FOXN4: variants seen among roughly 807,000 people sequenced by gnomAD.
FOXN4 encodes forkhead box N4.
In FOXN4, 12 loss-of-function variants were observed where a neutral mutation model predicts 45.0. That is an observed-to-expected ratio of 0.27 (90% confidence interval 0.17 to 0.43). The LOEUF (loss-of-function observed/expected upper bound fraction) is 0.43. Ranked by LOEUF, FOXN4 falls within the 20% of genes least tolerant of loss-of-function variation. The pLI, the probability that FOXN4 is intolerant of heterozygous loss-of-function variation, is 1.00. For synonymous variants in FOXN4, 297 were observed against 295.0 expected (o/e 1.01, Z -0.07); for missense variants, 560 against 694.9 (o/e 0.81, Z 2.18).
rs947816906 is a variant in FOXN4 at position 109,287,596 on chromosome 12, C to T, written c.469-72G>A. 3 of 1,458,510 alleles carry T rather than the reference C, an allele frequency of 2.1e-6. No individual in the cohort carries two copies. The highest frequency in any genetic ancestry group is 1.4e-5 in the African/African-American group (1 of 70,070). The allele number at this position is 1,458,510 out of a possible 1,614,324, so 90.3% of individuals were successfully genotyped here. A position where few individuals can be genotyped will look rare whatever the true frequency, so the allele number is the denominator to read the frequency against. ...GGTGAGAAATAACATACGTCACTCACAGTAACACTGTCCCCACCCCAGTTT... is the reference window on the plus strand; with the variant it reads ...GGTGAGAAATAACATACGTCACTCATAGTAACACTGTCCCCACCCCAGTTT... On this transcript the variant is annotated intron_variant, in intron 5 of 9. Coordinates refer to ENST00000299162, the MANE Select transcript of FOXN4 (RefSeq NM_213596.3). This position sits in a 1 kb window ranked among gnomAD's most constrained non-coding sequence, Gnocchi z 4.1.
chr12:109,298,090 A>G (rs2047833660), intron 2 of FOXN4, among the ~76,000 whole-genome samples: 1 of 152,184 alleles, frequency 6.6e-6, no homozygotes, highest in Non-Finnish European at 1.5e-5. Context: ...AGATGATTTC[A>G]TGGAATTTTG....
chr12:109,308,510 C>T (rs1358432121), intron 1 of FOXN4, among the ~76,000 whole-genome samples, 186 bp from the exon 2 acceptor site: 2 of 152,082 alleles, frequency 1.3e-5, no homozygotes, highest in Non-Finnish European at 2.9e-5. Flanking sequence ...CAGGGCAATT[C>T]TACAGCGTTT....
At chr12:109,304,796 G>A (rs531348200) in intron 2 of FOXN4, among the ~76,000 whole-genome samples, 3 of 152,194 alleles carry the variant, frequency 2.0e-5, no homozygotes, top group Non-Finnish European at 1.5e-5. Flanking sequence ...CGAATGAGAA[G>A]CCCATAAACT....
At chr12:109,293,599 G>T (rs1189300635) in intron 2 of FOXN4, among the ~76,000 whole-genome samples, 2 of 152,206 alleles carry the variant, frequency 1.3e-5, no homozygotes, top group Non-Finnish European at 2.9e-5. Flanking sequence ...CTGAGTTCAA[G>T]CGATTCTCCT....
In FOXN4 at chr12:109,281,446, C is replaced by G; in HGVS notation, c.1255G>C (p.Asp419His). The G allele has an allele frequency of 6.2e-7, 1 of 1,614,046 alleles. No individual in the cohort carries two copies. Among genetic ancestry groups the G allele is most frequent in the Non-Finnish European group, 8.5e-7 (1 of 1,179,896 alleles). ...NISTDMNTEV[D>H]ALDPSIMDFA... ...TCCATGATGCTCGGGTCGAGGGCAT[C>G]CACCTCAGTGTTCATGTCGGTGCTG... The change falls in exon 9 of 10, where the codon GAT (aspartate) becomes CAT (histidine). Residue 419 changes from aspartate (D) to histidine (H), a missense_variant. Asp to His is a moderately conservative substitution (Grantham distance 81). Around this residue, in one of 5 missense-constraint regions of FOXN4, gnomAD observed 315 missense variants for 350.5 expected, o/e 0.90. Transcript: ENST00000299162.
Position 109,288,834 on chromosome 12 carries a change from C to G in FOXN4, c.233-654G>C, listed in dbSNP as rs956967386. Among the ~76,000 whole-genome samples, 4 of 152,240 alleles carry G rather than the reference C, an allele frequency of 2.6e-5. No individual in the cohort carries two copies. Among genetic ancestry groups the G allele is most frequent in the African/African-American group, 9.6e-5 (4 of 41,464 alleles). ...CAGGATGGTCTTGCCCTAGGGCCAC[C>G]TCTTCCAGGAAGCCCTCTGGGTCCT... On this transcript the variant is annotated intron_variant, in intron 3 of 9. Coordinates refer to ENST00000299162, the MANE Select transcript of FOXN4 (RefSeq NM_213596.3). This position sits in a 1 kb window ranked among gnomAD's most constrained non-coding sequence, Gnocchi z 4.3.
intron 9 of FOXN4, among the ~76,000 whole-genome samples, chr12:109,280,503 G>A (rs546058258): frequency 7.2e-5 from 11 of 152,270 alleles, no homozygotes; most frequent in Middle Eastern, 3.4e-3. Context: ...GCTGTGGCAC[G>A]GGTTAAACAA....
chr12:109,298,870 G>A (rs1408118819), intron 2 of FOXN4, among the ~76,000 whole-genome samples: 1 of 152,170 alleles, frequency 6.6e-6, no homozygotes, highest in Non-Finnish European at 1.5e-5. Flanking sequence ...TGCGTGACCT[G>A]GGGCTGGTGA....
At chr12:109,286,575 C>A in intron 7 of FOXN4, 73 bp downstream of exon 7, 1 of 1,485,540 alleles carries the variant, frequency 6.7e-7, no homozygotes, top group Non-Finnish European at 9.1e-7. Context: ...GGCCCAGGGC[C>A]AGCCCTGGAT....
intron 8 of FOXN4, among the ~76,000 whole-genome samples, chr12:109,283,627 C>G (rs1415994585): frequency 1.3e-5 from 2 of 152,048 alleles, no homozygotes; most frequent in Non-Finnish European, 2.9e-5. Flanking sequence ...AGGCACCTGC[C>G]ACCATGCCTG....
At chr12:109,303,965 C>T (rs1014964411) in intron 2 of FOXN4, among the ~76,000 whole-genome samples, 4 of 151,666 alleles carry the variant, frequency 2.6e-5, no homozygotes, top group South Asian at 2.1e-4. Flanking sequence ...CTGAGGCAGG[C>T]GGATCACTTA....
chr12:109,300,190 G>A (rs1490158031), intron 2 of FOXN4, among the ~76,000 whole-genome samples: 1 of 152,190 alleles, frequency 6.6e-6, no homozygotes, highest in African/African-American at 2.4e-5. Flanking sequence ...GCCAACAGCA[G>A]GGTGTCCGGC....
At chr12:109,280,295 AT>A (rs2047640301) in intron 9 of FOXN4, among the ~76,000 whole-genome samples, 1 of 136,602 alleles carries the variant, frequency 7.3e-6, no homozygotes, top group Non-Finnish European at 1.5e-5. Flanking sequence ...GTGAGCAGAG[AT>A]TGTGCCACTG....
rs1468179800 is a variant in FOXN4, at chr12:109,281,662, G to A, written c.1039C>T (p.Pro347Ser). ...AHGCLAVSQLPPQPLMTLSLQ... is the reference protein window; with the variant it reads ...AHGCLAVSQLSPQPLMTLSLQ... Reference sequence around the variant, plus strand: ...GACAGGGTCATCAGTGGCTGGGGTGGGAGCTGGGAGACAGCCAGGCAGCCA... The same window carrying A: ...GACAGGGTCATCAGTGGCTGGGGTGAGAGCTGGGAGACAGCCAGGCAGCCA... Residue 347 changes from proline (P) to serine (S), a missense_variant, in exon 9 of 10, where the codon CCA becomes TCA. Around this residue, in one of 5 missense-constraint regions of FOXN4, gnomAD observed 315 missense variants for 350.5 expected, o/e 0.90. Transcript: ENST00000299162. 6.2e-6 allele frequency: 10 copies of A among 1,610,070 alleles called. No homozygotes were observed. In the Admixed American group the frequency reaches 1.7e-4, roughly 27 times the overall value.
rs371344045 is a variant in FOXN4, at chr12:109,291,301, C to T, written c.87-1015G>A. On this transcript the variant is annotated intron_variant, in intron 2 of 9. Transcript: ENST00000299162. This position sits in a 1 kb window ranked among gnomAD's most constrained non-coding sequence, Gnocchi z 6.6. Reference sequence around the variant, plus strand: ...TCTTACACCACCATCCGGGCCCTGTCGTGATGGTGCAGACCAGCCCAGGAG... The same window carrying T: ...TCTTACACCACCATCCGGGCCCTGTTGTGATGGTGCAGACCAGCCCAGGAG... Among the ~76,000 whole-genome samples the T allele has an allele frequency of 5.9e-5, 9 of 152,104 alleles. No individual in the cohort carries two copies. The highest frequency in any genetic ancestry group is 2.1e-4 in the South Asian group (1 of 4,802).
In FOXN4 at chr12:109,309,198, T is replaced by G. The variant is rs1245419207; in HGVS notation, c.-83A>C. 6.6e-6 allele frequency: 1 copy of G among 152,276 alleles called. No individual in the cohort carries two copies. Among genetic ancestry groups the G allele is most frequent in the Admixed American group, 6.5e-5 (1 of 15,286 alleles). 9.4% of individuals were successfully genotyped at this position (152,276 alleles called of 1,614,324 possible). A position where few individuals can be genotyped will look rare whatever the true frequency, so the allele number is the denominator to read the frequency against. ...GTTCCGGAGGGGGGCTCCCTCGCGC[T>G]CGCCCCTCGCGTTCCGCAATTTGGC... On this transcript the variant is annotated 5_prime_UTR_variant, in exon 1 of 10. Coordinates refer to ENST00000299162, the MANE Select transcript of FOXN4 (RefSeq NM_213596.3). This position sits in a 1 kb window ranked among gnomAD's most constrained non-coding sequence, Gnocchi z 5.0.
rs2075437 is a variant in FOXN4 at position 109,279,642 on chromosome 12, G to A, written c.*29C>T. 9.6e-3 allele frequency: 14,993 copies of A among 1,562,300 alleles called. 487 individuals are homozygous for A. In the East Asian group the frequency reaches 0.096, roughly 10 times the overall value. On this transcript the variant is annotated 3_prime_UTR_variant, in exon 10 of 10. Transcript: ENST00000299162. ...CAGTTCTCTGCCCAAGCCGGGTGCC[G>A]GGGTTCCAGGGCAGGTGAGGCTGAC... is the stretch of plus-strand genomic sequence containing the variant.
intron 2 of FOXN4, among the ~76,000 whole-genome samples, chr12:109,304,213 A>AAAAG (rs1440499691): frequency 7.0e-6 from 1 of 142,778 alleles, no homozygotes; most frequent in Non-Finnish European, 1.5e-5. Flanking sequence ...GAAAGAAAAG[A>AAAAG]AAAGAAAGAG....
chr12:109,302,866 A>C (rs2047880832), intron 2 of FOXN4, among the ~76,000 whole-genome samples: 1 of 152,222 alleles, frequency 6.6e-6, no homozygotes, highest in South Asian at 2.1e-4. Context: ...TACATCACTG[A>C]AAGCTGTTCT....
Sources: allele counts gnomAD v4.1 joint callset (sites outside exome capture counted in the v4.1 genomes callset), GRCh38; gene constraint gnomAD v4.1.1; regional missense constraint gnomAD v4.1.1; non-coding constraint Gnocchi (gnomAD v3.1); transcripts MANE v1.5; gene names NCBI Gene and HGNC (gene_info 2026-07-23, HGNC 2026-07-21).